CSMD1: variants seen among roughly 807,000 people sequenced by gnomAD.
The protein encoded by CSMD1 is CUB and sushi domain-containing protein 1.
CSMD1 carries 213 observed loss-of-function variants against 417.5 expected under a neutral mutation model. The ratio of observed to expected loss-of-function variants is 0.51; its 90% CI spans 0.46 to 0.57. The LOEUF (loss-of-function observed/expected upper bound fraction) is 0.57, where lower values mean the gene tolerates loss of function less well. Among genes scored for constraint, CSMD1 ranks in the 20% least tolerant of loss-of-function variants. The pLI, the probability that CSMD1 is intolerant of heterozygous loss-of-function variation, is 0.00. For missense variants in CSMD1, 6,923 were observed against 4,529.7 expected, an observed-to-expected ratio of 1.53 and a Z score of -15.17; for synonymous variants, 2,862 against 1,736.8, an observed-to-expected ratio of 1.65 and a Z score of -16.11.
At chr8:3,945,255 C>G (rs539685073) in intron 5 of CSMD1, among the ~76,000 whole-genome samples, 2 of 150,078 alleles carry the variant, frequency 1.3e-5, no homozygotes, top group Admixed American at 6.7e-5. Context: ...TTAATATAAG[C>G]TGAACAATAC....
chr8:3,813,401 T>C (rs1001682369), intron 5 of CSMD1, among the ~76,000 whole-genome samples: 11 of 152,176 alleles, frequency 7.2e-5, no homozygotes, highest in African/African-American at 1.9e-4. Context: ...AAGGAGGTGA[T>C]ATTTTCCCTA....
At chr8:3,942,158 G>C (rs1164913024) in intron 5 of CSMD1, among the ~76,000 whole-genome samples, 2 of 152,000 alleles carry the variant, frequency 1.3e-5, no homozygotes, top group Non-Finnish European at 2.9e-5. Flanking sequence ...GGACCATCTA[G>C]TTGCAGGAAA....
chr8:4,305,687 A>G (rs546495384), intron 3 of CSMD1, among the ~76,000 whole-genome samples: 1 of 152,334 alleles, frequency 6.6e-6, no homozygotes, highest in East Asian at 1.9e-4. Flanking sequence ...GCTTGCTCAA[A>G]ATGTGTCCTC....
chr8:3,313,985 C>T (rs1385673176), intron 23 of CSMD1, among the ~76,000 whole-genome samples: 3 of 152,082 alleles, frequency 2.0e-5, no homozygotes, highest in South Asian at 4.1e-4. Context: ...ATGGATGAAG[C>T]TGGAAACCAT....
intron 5 of CSMD1, among the ~76,000 whole-genome samples, chr8:3,986,417 G>A (rs977082751): frequency 1.1e-4 from 16 of 152,076 alleles, no homozygotes; most frequent in African/African-American, 3.4e-4. Flanking sequence ...TGTTGAATAC[G>A]TTTCCACTTC....
At chr8:4,779,813 C>T (rs1176085808) in intron 1 of CSMD1, among the ~76,000 whole-genome samples, 1 of 152,180 alleles carries the variant, frequency 6.6e-6, no homozygotes, top group East Asian at 1.9e-4. Flanking sequence ...GATTCCTGGG[C>T]CTGGAAGCCT....
chr8:4,922,796 A>C (rs186131506), intron 1 of CSMD1, among the ~76,000 whole-genome samples: 1 of 152,172 alleles, frequency 6.6e-6, no homozygotes, highest in Non-Finnish European at 1.5e-5. Flanking sequence ...CACCCCAAGA[A>C]GTGTTTCCTT....
chr8:4,658,733 G>T (rs144579716), intron 1 of CSMD1, among the ~76,000 whole-genome samples: 56 of 151,974 alleles, frequency 3.7e-4, no homozygotes, highest in African/African-American at 1.3e-3. Flanking sequence ...TTATACTTTC[G>T]GTTTCTAACT....
In CSMD1 at chr8:3,009,774, G is replaced by C. The variant is rs146656943; in HGVS notation, c.8029+8703C>G. On this transcript the variant is annotated intron_variant, in intron 52 of 69. Transcript: ENST00000635120. ...CCAACATGGAGGTATTGGGCTTGCA[G>C]AGCATACAACACTCTGTGCTGTTTG... 5.1e-3 allele frequency among the ~76,000 whole-genome samples: 770 copies of C among 152,262 alleles called. 5 individuals are homozygous for C. The highest frequency in any genetic ancestry group is 0.017 in the African/African-American group (716 of 41,558).
At chr8:4,011,261 T>C (rs1289236804) in intron 4 of CSMD1, among the ~76,000 whole-genome samples, 4 of 152,228 alleles carry the variant, frequency 2.6e-5, no homozygotes, top group African/African-American at 9.7e-5. Flanking sequence ...ACCAGTTTTC[T>C]TCTCTTTCAA....
chr8:4,928,972 G>A (rs1381122609), intron 1 of CSMD1, among the ~76,000 whole-genome samples: 1 of 152,118 alleles, frequency 6.6e-6, no homozygotes, highest in Non-Finnish European at 1.5e-5. Context: ...TTGGAAGGCT[G>A]AAGCATAAGA....
chr8:4,376,414 AT>A (rs1421905793), intron 3 of CSMD1, among the ~76,000 whole-genome samples: 37 of 152,128 alleles, frequency 2.4e-4, no homozygotes, highest in Non-Finnish European at 5.0e-4. Flanking sequence ...TCTTGTGCAT[AT>A]TTTTTTCTTT....
chr8:3,294,898 C>G (rs981820653), intron 25 of CSMD1, among the ~76,000 whole-genome samples: 1 of 152,126 alleles, frequency 6.6e-6, no homozygotes, highest in Admixed American at 6.5e-5. Context: ...GGAGAAATCG[C>G]CCGTCTTCTG....
At chr8:4,940,275 A>C (rs926079161) in intron 1 of CSMD1, among the ~76,000 whole-genome samples, 1 of 152,216 alleles carries the variant, frequency 6.6e-6, no homozygotes, top group African/African-American at 2.4e-5. Flanking sequence ...CAGTCCATTG[A>C]GTGGAAAATG....
intron 7 of CSMD1, among the ~76,000 whole-genome samples, chr8:3,644,330 G>C (rs1585009810): frequency 6.6e-6 from 1 of 152,178 alleles, no homozygotes; most frequent in African/African-American, 2.4e-5. Flanking sequence ...AGGTCTTAGA[G>C]GCAAATGGCC....
At chr8:3,738,479 T>C (rs571619252) in intron 6 of CSMD1, among the ~76,000 whole-genome samples, 1 of 152,308 alleles carries the variant, frequency 6.6e-6, no homozygotes, top group African/African-American at 2.4e-5. Context: ...AGTGAATACA[T>C]AATTTAAGTT....
intron 10 of CSMD1, among the ~76,000 whole-genome samples, chr8:3,501,342 T>C (rs1796593367): frequency 6.6e-6 from 1 of 152,204 alleles, no homozygotes; most frequent in Non-Finnish European, 1.5e-5. Context: ...ATAGCACTAT[T>C]TTTAAGTTTT....
intron 3 of CSMD1, among the ~76,000 whole-genome samples, chr8:4,101,716 C>T (rs1034568303): frequency 1.3e-5 from 2 of 152,126 alleles, no homozygotes; most frequent in Admixed American, 1.3e-4. Context: ...AAACCACATT[C>T]CAGAGGAGAA....
At chr8:4,897,361 C>T (rs1439733663) in intron 1 of CSMD1, among the ~76,000 whole-genome samples, 1 of 152,036 alleles carries the variant, frequency 6.6e-6, no homozygotes, top group Non-Finnish European at 1.5e-5. Context: ...AGGCCATGGG[C>T]GAGTGGGGTA....
Sources: gnomAD v4.1 joint callset for allele counts (sites outside exome capture counted in the v4.1 genomes callset) on GRCh38, gnomAD v4.1.1 for gene constraint, MANE v1.5 for transcripts, NCBI Gene and HGNC (gene_info 2026-07-23, HGNC 2026-07-21) for gene names.